Variants in GPC5 observed in about 807,000 individuals in gnomAD.
GPC5 encodes the protein glypican 5.
In GPC5, 47 loss-of-function variants were observed where a neutral mutation model predicts 53.9. That is an observed-to-expected ratio of 0.87 (90% CI 0.69 to 1.11). GPC5 has a LOEUF of 1.11. GPC5 is among the 50% of genes most tolerant of loss of function. The pLI is 0.00. For synonymous variants in GPC5, 286 were observed against 263.3 expected, an observed-to-expected ratio of 1.09 and a Z score of -0.84; for missense variants, 748 against 713.1, an observed-to-expected ratio of 1.05 and a Z score of -0.56.
intron 2 of GPC5, among the ~76,000 whole-genome samples, chr13:91,465,176 T>C (rs1882162158): frequency 6.6e-6 from 1 of 152,170 alleles, no homozygotes; most frequent in Non-Finnish European, 1.5e-5. Flanking sequence ...TCTTGCTTTC[T>C]TGATCTCATT....
intron 7 of GPC5, among the ~76,000 whole-genome samples, chr13:92,811,962 C>T (rs1316170704): frequency 6.6e-6 from 1 of 151,912 alleles, no homozygotes; most frequent in East Asian, 1.9e-4. Flanking sequence ...TAGTCTGTAA[C>T]ATATGCCAAT....
At chr13:91,828,947 G>C (rs185247954) in intron 5 of GPC5, among the ~76,000 whole-genome samples, 19 of 152,114 alleles carry the variant, frequency 1.2e-4, no homozygotes, top group Admixed American at 1.2e-3. Flanking sequence ...ACCACTAATG[G>C]GTAATATTTT....
At chr13:92,357,978 CCT>C (rs1164025479) in intron 7 of GPC5, among the ~76,000 whole-genome samples, 1 of 151,552 alleles carries the variant, frequency 6.6e-6, no homozygotes, top group Non-Finnish European at 1.5e-5. Flanking sequence ...TCAACAGTCC[CCT>C]GAGTTTTAAA....
chr13:91,837,705 CT>C (rs1594607538), intron 5 of GPC5, among the ~76,000 whole-genome samples: 1 of 152,146 alleles, frequency 6.6e-6, no homozygotes, highest in South Asian at 2.1e-4. Flanking sequence ...ATAGTAATAA[CT>C]TTTTTGAAGT....
chr13:92,177,057 T>C (rs2042113960), intron 7 of GPC5, among the ~76,000 whole-genome samples: 1 of 152,176 alleles, frequency 6.6e-6, no homozygotes, highest in African/African-American at 2.4e-5. Flanking sequence ...ATTTCCATCA[T>C]TGTTTTGATT....
At chr13:91,540,218 C>G (rs2029873225) in intron 2 of GPC5, among the ~76,000 whole-genome samples, 1 of 152,186 alleles carries the variant, frequency 6.6e-6, no homozygotes, top group Non-Finnish European at 1.5e-5. Context: ...ACAGCTGGCC[C>G]TTCCAGACTC....
intron 7 of GPC5, among the ~76,000 whole-genome samples, chr13:92,717,467 C>CTGAG (rs1277978031): frequency 6.6e-6 from 1 of 152,088 alleles, no homozygotes; most frequent in African/African-American, 2.4e-5. Flanking sequence ...CAATTTTATT[C>CTGAG]TGAGTTTATC....
Position 92,146,552 on chromosome 13 carries a change from G to A in GPC5, c.1561+1563G>A, listed in dbSNP as rs547273956. Reference sequence around the variant, plus strand: ...TTAGGTTTTGGGGAAAACAGGTAATGTTTGGTTACATGAGTAAGTTCTTTA... The same window carrying A: ...TTAGGTTTTGGGGAAAACAGGTAATATTTGGTTACATGAGTAAGTTCTTTA... On this transcript the variant is annotated intron_variant, in intron 7 of 7. Coordinates refer to ENST00000377067, the MANE Select transcript of GPC5 (RefSeq NM_004466.6). 5.3e-5 allele frequency among the ~76,000 whole-genome samples: 8 copies of A among 152,156 alleles called. No homozygotes were observed. In the South Asian group the frequency reaches 1.7e-3, roughly 32 times the overall value.
At chr13:92,152,455 T>C (rs183324529) in intron 7 of GPC5, among the ~76,000 whole-genome samples, 1 of 152,252 alleles carries the variant, frequency 6.6e-6, no homozygotes, top group African/African-American at 2.4e-5. Context: ...ACCTGTCCAT[T>C]GAAATAAAAG....
intron 7 of GPC5, among the ~76,000 whole-genome samples, chr13:92,544,046 A>G (rs1358728922): frequency 6.6e-6 from 1 of 152,072 alleles, no homozygotes; most frequent in Non-Finnish European, 1.5e-5. Flanking sequence ...CCCTTGATAT[A>G]GTGAATGTAT....
At chr13:92,740,918 A>ATG (rs1491580533) in intron 7 of GPC5, among the ~76,000 whole-genome samples, 1 of 125,016 alleles carries the variant, frequency 8.0e-6, no homozygotes, top group African/African-American at 2.9e-5. Flanking sequence ...ATATATATAT[A>ATG]TGTGCATATG....
chr13:91,562,212 A>T (rs1328483615), intron 2 of GPC5, among the ~76,000 whole-genome samples: 3 of 144,232 alleles, frequency 2.1e-5, no homozygotes, highest in Non-Finnish European at 4.6e-5. Context: ...AAAAAAAAAA[A>T]AAATAGAGAA....
Position 91,883,203 on chromosome 13 carries a change from A to T in GPC5, c.1281-24734A>T, listed in dbSNP as rs932919739. On this transcript the variant is annotated intron_variant, in intron 5 of 7. Coordinates refer to ENST00000377067, the MANE Select transcript of GPC5 (RefSeq NM_004466.6). ...GCTCAGATGGGAGGGACTCTTAGTTATAGTCCTGCACACAGTAAACTTCTT... is the reference window on the plus strand; with the variant it reads ...GCTCAGATGGGAGGGACTCTTAGTTTTAGTCCTGCACACAGTAAACTTCTT... 2.0e-5 allele frequency among the ~76,000 whole-genome samples: 3 copies of T among 152,160 alleles called. No homozygotes were observed. In the East Asian group the frequency reaches 5.8e-4, roughly 29 times the overall value.
chr13:91,496,024 AAAAAAAT>A (rs1432731379), intron 2 of GPC5, among the ~76,000 whole-genome samples: 4 of 144,790 alleles, frequency 2.8e-5, no homozygotes, highest in South Asian at 2.1e-4. Flanking sequence ...CTCTGTCTCA[AAAAAAAT>A]AAAAAATAAA....
intron 7 of GPC5, among the ~76,000 whole-genome samples, chr13:92,249,024 ATT>A (rs2042673446): frequency 6.6e-6 from 1 of 151,926 alleles, no homozygotes; most frequent in African/African-American, 2.4e-5. Context: ...AAATAATTTT[ATT>A]TTTTAAATTT....
intron 7 of GPC5, among the ~76,000 whole-genome samples, chr13:92,581,816 T>C (rs1296453879): frequency 6.6e-6 from 1 of 152,168 alleles, no homozygotes; most frequent in South Asian, 2.1e-4. Flanking sequence ...TGATGATAGG[T>C]GATGCTGAGA....
chr13:91,618,654 ATTT>A (rs5805709), intron 2 of GPC5, among the ~76,000 whole-genome samples: 1 of 150,040 alleles, frequency 6.7e-6, no homozygotes, highest in African/African-American at 2.5e-5. Context: ...AATAACACAT[ATTT>A]TTTTTTTTAT....
intron 7 of GPC5, among the ~76,000 whole-genome samples, chr13:92,535,364 A>G (rs1234757768): frequency 6.6e-6 from 1 of 152,102 alleles, no homozygotes; most frequent in Non-Finnish European, 1.5e-5. Context: ...GACAGCAACT[A>G]TTGCCAGGGA....
At chr13:91,784,111 G>T (rs2037840619) in intron 5 of GPC5, among the ~76,000 whole-genome samples, 1 of 152,110 alleles carries the variant, frequency 6.6e-6, no homozygotes, top group Admixed American at 6.5e-5. Context: ...GTGAACAGAG[G>T]TGAGGAACAT....
Sources: gnomAD v4.1 joint callset for allele counts (sites outside exome capture counted in the v4.1 genomes callset) on GRCh38, gnomAD v4.1.1 for gene constraint, MANE v1.5 for transcripts, NCBI Gene and HGNC (gene_info 2026-07-23, HGNC 2026-07-21) for gene names.